Variants in RAD23B observed in about 807,000 individuals in gnomAD.
RAD23B encodes RAD23 nucleotide excision repair protein B.
A neutral mutation model predicts 49.1 loss-of-function variants in RAD23B; 5 were observed. The observed-to-expected ratio is 0.10, with a 90% confidence interval of 0.05 to 0.21. RAD23B has a LOEUF of 0.21. Ranked by LOEUF, RAD23B falls within the 10% of genes least tolerant of loss-of-function variation. The probability of loss-of-function intolerance (pLI) is 1.00; values close to 1 mark genes in which losing one functional copy is unlikely to be tolerated. For missense variants in RAD23B, 356 were observed against 486.7 expected (o/e 0.73, Z 2.53); for synonymous variants, 184 against 165.4 (o/e 1.11, Z -0.86).
chr9:107,308,425 G>T (rs1346528435), intron 4 of RAD23B, among the ~76,000 whole-genome samples: 1 of 151,984 alleles, frequency 6.6e-6, no homozygotes, highest in East Asian at 1.9e-4. Flanking sequence ...CACCATGTTA[G>T]CCAGGCTGGT....
Position 107,286,598 on chromosome 9 carries a change from T to C in RAD23B, c.66+2903T>C, listed in dbSNP as rs543086462. On this transcript the variant is annotated intron_variant, in intron 1 of 9. Transcript: ENST00000358015. ...GCCTTCTTATAAAATATTCAAACAA[T>C]ATAGAAACAAAATGAGAAGGTGGTA... Among the ~76,000 whole-genome samples, 12 of 152,262 alleles carry C rather than the reference T, an allele frequency of 7.9e-5. No individual in the cohort carries two copies. The South Asian group carries it at 1.7e-3, about 21-fold the overall frequency.
At chr9:107,300,247 C>A (rs1204638499) in intron 2 of RAD23B, 25 bp downstream of exon 2, 3 of 1,586,698 alleles carry the variant, frequency 1.9e-6, no homozygotes, top group Non-Finnish European at 2.6e-6. Context: ...TTAAAATTAA[C>A]ATGCCATGTC....
chr9:107,299,712 C>T (rs1318629667), intron 1 of RAD23B, among the ~76,000 whole-genome samples: 1 of 152,146 alleles, frequency 6.6e-6, no homozygotes, highest in South Asian at 2.1e-4. Context: ...TAAAATGAAT[C>T]ATTTGCCTTT....
At position 107,306,507 on chromosome 9, in the gene RAD23B, C is replaced by A; in HGVS notation, c.357C>A (p.Pro119=). Residue 119 remains proline, a synonymous_variant, in exon 4 of 10, where the codon CCC becomes CCA. Coordinates refer to ENST00000358015, the MANE Select transcript of RAD23B (RefSeq NM_002874.5). ...QAPTPVPALA[P]TSTPASITPA... ...CAACCCCTGTCCCTGCCTTGGCCCC[C>A]ACTTCCACACCTGCATCCATCACTC... The A allele has an allele frequency of 6.2e-7, 1 of 1,614,196 alleles. No individual in the cohort carries two copies. Among genetic ancestry groups the A allele is most frequent in the South Asian group, 1.1e-5 (1 of 91,082 alleles).
At chr9:107,328,500 A>T (rs1282327635) in intron 9 of RAD23B, among the ~76,000 whole-genome samples, 2 of 152,160 alleles carry the variant, frequency 1.3e-5, no homozygotes, top group Non-Finnish European at 2.9e-5. Flanking sequence ...CAGACCCTAG[A>T]TCCCTCTCAT....
At chr9:107,321,488 C>G (rs1340447296) in intron 6 of RAD23B, among the ~76,000 whole-genome samples, 1 of 140,036 alleles carries the variant, frequency 7.1e-6, no homozygotes, top group African/African-American at 2.9e-5. Flanking sequence ...AAGTGTGCAT[C>G]AAAACCTCTT....
In RAD23B at chr9:107,325,010, T is replaced by C; in HGVS notation, c.1116+6T>C. ...AAAAAGAAGCTATAGAAAGGGTGAG[T>C]TTAAGTAAAACTTTAAAAAAATTAG... On this transcript the variant is annotated splice_donor_region_variant and intron_variant, in intron 9 of 9. Coordinates refer to ENST00000358015, the MANE Select transcript of RAD23B (RefSeq NM_002874.5). 1 of 1,591,980 alleles carries C rather than the reference T, an allele frequency of 6.3e-7. No homozygotes were observed. Among genetic ancestry groups the C allele is most frequent in the Non-Finnish European group, 8.6e-7 (1 of 1,161,260 alleles).
intron 1 of RAD23B, among the ~76,000 whole-genome samples, chr9:107,285,257 G>A (rs1833253166): frequency 6.6e-6 from 1 of 152,140 alleles, no homozygotes; most frequent in Non-Finnish European, 1.5e-5. Flanking sequence ...ACTGCTTAAT[G>A]TGCATTAATA....
chr9:107,285,373 C>T (rs1167900972), intron 1 of RAD23B, among the ~76,000 whole-genome samples: 3 of 152,190 alleles, frequency 2.0e-5, no homozygotes, highest in Non-Finnish European at 2.9e-5. Context: ...GTTGGTGCCC[C>T]AGTAACTTAA....
chr9:107,329,520 T>A (rs1017692636), intron 9 of RAD23B, 23 bp from the exon 10 acceptor site: 5 of 1,437,390 alleles, frequency 3.5e-6, no homozygotes, highest in Admixed American at 3.5e-5. Context: ...GTTGGATTTA[T>A]ATTTTTTTCC....
rs1308925039 is a variant in RAD23B at position 107,310,069 on chromosome 9, A to G, written c.498-1613A>G. ...ATGGCTCATATTAGAAAGATTGGTC[A>G]GCGAAATCAACAATAGCTTTGAAAT... On this transcript the variant is annotated intron_variant, in intron 4 of 9. Coordinates refer to ENST00000358015, the MANE Select transcript of RAD23B (RefSeq NM_002874.5). Among the ~76,000 whole-genome samples the G allele has an allele frequency of 2.6e-5, 4 of 152,202 alleles. No individual in the cohort carries two copies. In the East Asian group the frequency reaches 7.7e-4, roughly 29 times the overall value.
At chr9:107,285,232 C>T (rs929037372) in intron 1 of RAD23B, among the ~76,000 whole-genome samples, 7 of 152,168 alleles carry the variant, frequency 4.6e-5, no homozygotes, top group Non-Finnish European at 1.0e-4. Context: ...TCTAATTTCT[C>T]TTGAATATTT....
At chr9:107,307,620 A>AAGGG (rs1450509170) in intron 4 of RAD23B, among the ~76,000 whole-genome samples, 1 of 152,210 alleles carries the variant, frequency 6.6e-6, no homozygotes, top group Non-Finnish European at 1.5e-5. Context: ...CAGACATGGA[A>AAGGG]AGGGGTTAAG....
At chr9:107,291,220 C>T (rs1833378138) in intron 1 of RAD23B, among the ~76,000 whole-genome samples, 1 of 152,164 alleles carries the variant, frequency 6.6e-6, no homozygotes, top group Admixed American at 6.6e-5. Context: ...TTTGCTAGTG[C>T]ACTGGCGAGA....
At position 107,283,280 on chromosome 9, in the gene RAD23B, A is replaced by C; in HGVS notation, c.-350A>C. The C allele has an allele frequency of 2.5e-6, 1 of 402,294 alleles. No individual in the cohort carries two copies. Among genetic ancestry groups the C allele is most frequent in the Non-Finnish European group, 4.4e-6 (1 of 228,792 alleles). The allele number at this position is 402,294 out of a possible 1,614,324, so 24.9% of individuals were successfully genotyped here. On this transcript the variant is annotated 5_prime_UTR_variant, in exon 1 of 10. Coordinates refer to ENST00000358015, the MANE Select transcript of RAD23B (RefSeq NM_002874.5). ...GTGGGGGAGGGGGCACGTCTCGGCG[A>C]GTCACGATGATGGCGGCCACCATCC...
chr9:107,327,477 T>C (rs147111594), intron 9 of RAD23B, among the ~76,000 whole-genome samples: 17 of 152,342 alleles, frequency 1.1e-4, no homozygotes, highest in African/African-American at 4.1e-4. Flanking sequence ...TTTTGCTTTC[T>C]TTCATCTCAA....
chr9:107,331,776 A>G lies in RAD23B; in HGVS notation c.*2120A>G. ...CTTGGACAACAAATCTGGATATACT[A>G]GGATTAATTATCAGAAGACAGCTCA... On this transcript the variant is annotated 3_prime_UTR_variant, in exon 10 of 10. Coordinates refer to ENST00000358015, the MANE Select transcript of RAD23B (RefSeq NM_002874.5). 1.3e-6 allele frequency: 1 copy of G among 770,518 alleles called. No individual in the cohort carries two copies. Among genetic ancestry groups the G allele is most frequent in the Admixed American group, 1.8e-5 (1 of 56,986 alleles). 47.7% of individuals were successfully genotyped at this position (770,518 alleles called of 1,614,324 possible). A position where few individuals can be genotyped will look rare whatever the true frequency, so the allele number is the denominator to read the frequency against.
At chr9:107,308,702 C>T (rs1180837318) in intron 4 of RAD23B, among the ~76,000 whole-genome samples, 2 of 152,300 alleles carry the variant, frequency 1.3e-5, no homozygotes, top group African/African-American at 2.4e-5. Flanking sequence ...ACACCAACTG[C>T]TTACTCTTAT....
chr9:107,288,304 G>A (rs1833315966), intron 1 of RAD23B, among the ~76,000 whole-genome samples: 1 of 152,182 alleles, frequency 6.6e-6, no homozygotes, highest in Non-Finnish European at 1.5e-5. Flanking sequence ...GTCAGGCCCT[G>A]CTGTGATGGT....
Sources: gnomAD v4.1 joint callset for allele counts (sites outside exome capture counted in the v4.1 genomes callset) on GRCh38, gnomAD v4.1.1 for gene constraint, MANE v1.5 for transcripts, NCBI Gene and HGNC (gene_info 2026-07-23, HGNC 2026-07-21) for gene names.